Variants in TNF observed in about 807,000 individuals in gnomAD.
TNF encodes APC1 protein.
In TNF, 7 loss-of-function variants were observed where a neutral mutation model predicts 21.8. The observed-to-expected ratio is 0.32, with a 90% CI of 0.18 to 0.60. TNF has a LOEUF of 0.60. Ranked by LOEUF, TNF falls within the 20% of genes least tolerant of loss-of-function variation. The pLI, the probability that TNF is intolerant of heterozygous loss-of-function variation, is 0.84. For synonymous variants in TNF, 123 were observed against 130.2 expected (o/e 0.94, Z 0.38); for missense variants, 216 against 296.6 (o/e 0.73, Z 2.00).
In TNF at chr6:31,575,704, A is replaced by T; in HGVS notation, c.-38A>T. 6.6e-7 allele frequency: 1 copy of T among 1,506,896 alleles called. No individual in the cohort carries two copies. The highest frequency in any genetic ancestry group is 8.9e-7 in the Non-Finnish European group (1 of 1,127,796). The allele number at this position is 1,506,896 out of a possible 1,614,324, so 93.3% of individuals were successfully genotyped here. A position where few individuals can be genotyped will look rare whatever the true frequency, so the allele number is the denominator to read the frequency against. ...CAGGTTCTCTTCCTCTCACATACTG[A>T]CCCACGGCTCCACCCTCTCTCCCCT... On this transcript the variant is annotated 5_prime_UTR_variant, in exon 1 of 4. Coordinates refer to ENST00000449264, the MANE Select transcript of TNF (RefSeq NM_000594.4). The surrounding 1 kb of genome is among the most constrained non-coding windows in gnomAD (Gnocchi z 6.2).
At position 31,576,808 on chromosome 6, in the gene TNF, G is replaced by A. The variant is rs1250554906; in HGVS notation, c.274G>A (p.Val92Ile). The change falls in exon 3 of 4, where the codon GTT (valine) becomes ATT (isoleucine). Residue 92 changes from valine (V) to isoleucine (I), a missense_variant. Val to Ile is a conservative substitution (Grantham distance 29). This residue lies in a region of TNF where 118 missense variants were observed against 127.1 expected (regional missense o/e 0.93). Transcript: ENST00000449264. ...CCCGAGTGACAAGCCTGTAGCCCAT[G>A]TTGTAGGTAAGAGCTCTGAGGATGT... is the stretch of plus-strand genomic sequence containing the variant. ...RTPSDKPVAH[V>I]VANPQAEGQL... The A allele has an allele frequency of 1.9e-6, 3 of 1,612,930 alleles. No homozygotes were observed. The highest frequency in any genetic ancestry group is 2.7e-5 in the African/African-American group (2 of 74,906).
At position 31,577,683 on chromosome 6, in the gene TNF, A is replaced by G. The variant is rs751562173; in HGVS notation, c.*146A>G. On this transcript the variant is annotated 3_prime_UTR_variant, in exon 4 of 4. Transcript: ENST00000449264. The surrounding 1 kb of genome is among the most constrained non-coding windows in gnomAD (Gnocchi z 7.7). ...ACCCAAGCTTAGAACTTTAAGCAACAAGACCACCACTTCGAAACCTGGGAT... is the reference window on the plus strand; with the variant it reads ...ACCCAAGCTTAGAACTTTAAGCAACGAGACCACCACTTCGAAACCTGGGAT... The G allele has an allele frequency of 2.0e-6, 2 of 993,694 alleles. No individual in the cohort carries two copies. Among genetic ancestry groups the G allele is most frequent in the South Asian group, 2.7e-5 (2 of 72,920 alleles). The allele number at this position is 993,694 out of a possible 1,614,324, so 61.6% of individuals were successfully genotyped here.
intron 1 of TNF, 107 bp from the exon 2 acceptor site, chr6:31,576,427 G>C: frequency 9.0e-7 from 1 of 1,114,916 alleles, no homozygotes; most frequent in South Asian, 1.4e-5. Context: ...AATGGAGAGA[G>C]AAAACCAGAC....
chr6:31,576,605 A>G (rs373391738), intron 2 of TNF, 26 bp downstream of exon 2: 6 of 1,608,618 alleles, frequency 3.7e-6, no homozygotes, highest in African/African-American at 1.4e-5. Context: ...CCTCTTTCCT[A>G]ATTCTGGGTT....
In TNF at chr6:31,576,908, A is replaced by AGAAGGACTC. The variant is rs990535649; in HGVS notation, c.280+96_280+104dup. On this transcript the variant is annotated intron_variant, in intron 3 of 3. Coordinates refer to ENST00000449264, the MANE Select transcript of TNF (RefSeq NM_000594.4). ...GTAGGCAGAACTTGGAGACAATGTGAGAAGGACTCGCTGAGCTCAAGGGAA... is the reference window on the plus strand; with the variant it reads ...GTAGGCAGAACTTGGAGACAATGTGAGAAGGACTCGAAGGACTCGCTGAGCTCAAGGGAA... The AGAAGGACTC allele has an allele frequency of 2.0e-6, 3 of 1,502,790 alleles. No homozygotes were observed. In the African/African-American group the frequency reaches 4.1e-5, roughly 21 times the overall value. 93.1% of individuals were successfully genotyped at this position (1,502,790 alleles called of 1,614,324 possible). A position where few individuals can be genotyped will look rare whatever the true frequency, so the allele number is the denominator to read the frequency against.
In TNF at chr6:31,575,720, T is replaced by C; in HGVS notation, c.-22T>C. The C allele has an allele frequency of 6.5e-7, 1 of 1,537,364 alleles. No homozygotes were observed. The highest frequency in any genetic ancestry group is 8.8e-7 in the Non-Finnish European group (1 of 1,142,388). On this transcript the variant is annotated 5_prime_UTR_variant, in exon 1 of 4. Coordinates refer to ENST00000449264, the MANE Select transcript of TNF (RefSeq NM_000594.4). This position sits in a 1 kb window ranked among gnomAD's most constrained non-coding sequence, Gnocchi z 6.2. ...CACATACTGACCCACGGCTCCACCC[T>C]CTCTCCCCTGGAAAGGACACCATGA...
chr6:31,576,831 T>C lies in TNF; in HGVS notation c.280+17T>C, dbSNP rs1252399944. 1 of 1,612,972 alleles carries C rather than the reference T, an allele frequency of 6.2e-7. No individual in the cohort carries two copies. The highest frequency in any genetic ancestry group is 8.5e-7 in the Non-Finnish European group (1 of 1,179,930). ...ATGTTGTAGGTAAGAGCTCTGAGGA[T>C]GTGTCTTGGAACTTGGAGGGCTAGG... On this transcript the variant is annotated intron_variant, in intron 3 of 3. Transcript: ENST00000449264.
chr6:31,575,932 G>C lies in TNF; in HGVS notation c.186+5G>C. On this transcript the variant is annotated splice_donor_5th_base_variant and intron_variant, in intron 1 of 3. Transcript: ENST00000449264. This position sits in a 1 kb window ranked among gnomAD's most constrained non-coding sequence, Gnocchi z 6.2. ...ATCGGCCCCCAGAGGGAAGAGGTGA[G>C]TGCCTGGCCAGCCTTCATCCACTCT... 1 of 1,523,758 alleles carries C rather than the reference G, an allele frequency of 6.6e-7. No individual in the cohort carries two copies. Among genetic ancestry groups the C allele is most frequent in the Non-Finnish European group, 8.8e-7 (1 of 1,133,194 alleles). The allele number at this position is 1,523,758 out of a possible 1,614,324, so 94.4% of individuals were successfully genotyped here. A position where few individuals can be genotyped will look rare whatever the true frequency, so the allele number is the denominator to read the frequency against.
In TNF at chr6:31,577,297, C is replaced by T. The variant is rs1044688350; in HGVS notation, c.462C>T (p.His154=). ...CCTCCACCCATGTGCTCCTCACCCA[C>T]ACCATCAGCCGCATCGCCGTCTCCT... The part of the protein sequence containing the change: ...GCPSTHVLLT[H]TISRIAVSYQ... Residue 154 remains histidine, a synonymous_variant, in exon 4 of 4, where the codon CAC becomes CAT. Transcript: ENST00000449264. This position sits in a 1 kb window ranked among gnomAD's most constrained non-coding sequence, Gnocchi z 7.7. 4 of 1,613,116 alleles carry T rather than the reference C, an allele frequency of 2.5e-6. No individual in the cohort carries two copies. The African/African-American group carries it at 4.0e-5, about 16-fold the overall frequency.
In TNF at chr6:31,577,554, AC is replaced by A; in HGVS notation, c.*19del. ...GCCCTGTGAGGAGGACGAACATCCA[AC>A]CTTCCCAAACGCCTCCCCTGCCCCA... On this transcript the variant is annotated 3_prime_UTR_variant, in exon 4 of 4. Transcript: ENST00000449264. The surrounding 1 kb of genome is among the most constrained non-coding windows in gnomAD (Gnocchi z 7.7). 1 of 1,612,772 alleles carries A rather than the reference AC, an allele frequency of 6.2e-7. No homozygotes were observed. Among genetic ancestry groups the A allele is most frequent in the South Asian group, 1.1e-5 (1 of 91,070 alleles).
At chr6:31,576,626 G>T (rs1771193810) in intron 2 of TNF, 47 bp downstream of exon 2, 1 of 1,608,890 alleles carries the variant, frequency 6.2e-7, no homozygotes, top group African/African-American at 1.3e-5. Context: ...TGGGTTTGGG[G>T]GTAGGGTTAG....
In TNF at chr6:31,577,701, C is replaced by G. The variant is rs1244668872; in HGVS notation, c.*164C>G. The G allele has an allele frequency of 1.2e-6, 1 of 869,344 alleles. No individual in the cohort carries two copies. The highest frequency in any genetic ancestry group is 1.9e-6 in the Non-Finnish European group (1 of 540,068). The allele number at this position is 869,344 out of a possible 1,614,324, so 53.9% of individuals were successfully genotyped here. On this transcript the variant is annotated 3_prime_UTR_variant, in exon 4 of 4. Coordinates refer to ENST00000449264, the MANE Select transcript of TNF (RefSeq NM_000594.4). This position sits in a 1 kb window ranked among gnomAD's most constrained non-coding sequence, Gnocchi z 7.7. ...AAGCAACAAGACCACCACTTCGAAA[C>G]CTGGGATTCAGGAATGTGTGGCCTG...
rs3093666 is a variant in TNF at position 31,577,956 on chromosome 6, C to T, written c.*419C>T. On this transcript the variant is annotated 3_prime_UTR_variant, in exon 4 of 4. Coordinates refer to ENST00000449264, the MANE Select transcript of TNF (RefSeq NM_000594.4). This position sits in a 1 kb window ranked among gnomAD's most constrained non-coding sequence, Gnocchi z 7.7. ...CTTCCTTGAGACACGGAGCCCAGCC[C>T]TCCCCATGGAGCCAGCTCCCTCTAT... 630 of 192,236 alleles carry T rather than the reference C, an allele frequency of 3.3e-3. 4 individuals carry two copies. The highest frequency in any genetic ancestry group is 0.013 in the African/African-American group (549 of 42,952). 11.9% of individuals were successfully genotyped at this position (192,236 alleles called of 1,614,324 possible).
In TNF at chr6:31,577,589, A is replaced by G. The variant is rs769422678; in HGVS notation, c.*52A>G. ...ACGCCTCCCCTGCCCCAATCCCTTT[A>G]TTACCCCCTCCTTCAGACACCCTCA... is the stretch of plus-strand genomic sequence containing the variant. On this transcript the variant is annotated 3_prime_UTR_variant, in exon 4 of 4. Transcript: ENST00000449264. This position sits in a 1 kb window ranked among gnomAD's most constrained non-coding sequence, Gnocchi z 7.7. 2.5e-6 allele frequency: 4 copies of G among 1,605,246 alleles called. No individual in the cohort carries two copies. Among genetic ancestry groups the G allele is most frequent in the African/African-American group, 2.7e-5 (2 of 74,860 alleles).
rs141667614 is a variant in TNF at position 31,575,861 on chromosome 6, C to T, written c.120C>T (p.Ile40=). ...CLFLSLFSFL[I]VAGATTLFCL... is the part of the protein sequence containing the mutation. Reference sequence around the variant, plus strand: ...TCCTCAGCCTCTTCTCCTTCCTGATCGTGGCAGGCGCCACCACGCTCTTCT... The same window carrying T: ...TCCTCAGCCTCTTCTCCTTCCTGATTGTGGCAGGCGCCACCACGCTCTTCT... Residue 40 remains isoleucine, a synonymous_variant, in exon 1 of 4, where the codon ATC becomes ATT. Coordinates refer to ENST00000449264, the MANE Select transcript of TNF (RefSeq NM_000594.4). This position sits in a 1 kb window ranked among gnomAD's most constrained non-coding sequence, Gnocchi z 6.2. 1.3e-5 allele frequency: 21 copies of T among 1,610,956 alleles called. No individual in the cohort carries two copies. In the African/African-American group the frequency reaches 1.6e-4, roughly 12 times the overall value.
In TNF at chr6:31,575,667, C is replaced by G; in HGVS notation, c.-75C>G. The G allele has an allele frequency of 7.2e-7, 1 of 1,394,708 alleles. No homozygotes were observed. The highest frequency in any genetic ancestry group is 9.6e-7 in the Non-Finnish European group (1 of 1,046,908). The allele number at this position is 1,394,708 out of a possible 1,614,324, so 86.4% of individuals were successfully genotyped here. On this transcript the variant is annotated 5_prime_UTR_variant, in exon 1 of 4. Coordinates refer to ENST00000449264, the MANE Select transcript of TNF (RefSeq NM_000594.4). This position sits in a 1 kb window ranked among gnomAD's most constrained non-coding sequence, Gnocchi z 6.2. ...AACCCTCAGACGCCACATCCCCTGA[C>G]AAGCTGCCAGGCAGGTTCTCTTCCT...
Position 31,576,575 on chromosome 6 carries a change from A to G in TNF, c.228A>G (p.Ala76=). The change falls in exon 2 of 4, where the codon GCA becomes GCG. Residue 76 remains alanine, a synonymous_variant. Coordinates refer to ENST00000449264, the MANE Select transcript of TNF (RefSeq NM_000594.4). ...DLSLISPLAQ[A]VRSSSRTPSD... ...CTCTAATCAGCCCTCTGGCCCAGGC[A>G]GTCAGTAAGTGTCTCCAAACCTCTT... 1 of 1,613,660 alleles carries G rather than the reference A, an allele frequency of 6.2e-7. No homozygotes were observed. The highest frequency in any genetic ancestry group is 8.5e-7 in the Non-Finnish European group (1 of 1,179,946).
In TNF at chr6:31,577,476, G is replaced by A. The variant is rs770509340; in HGVS notation, c.641G>A (p.Arg214Gln). ...GACCGACTCAGCGCTGAGATCAATC[G>A]GCCCGACTATCTCGACTTTGCCGAG... ...KGDRLSAEIN[R>Q]PDYLDFAESG... Residue 214 changes from arginine (R) to glutamine (Q), a missense_variant, in exon 4 of 4, where the codon CGG becomes CAG. By Grantham distance (43) the Arg-to-Gln change is conservative. Coordinates refer to ENST00000449264, the MANE Select transcript of TNF (RefSeq NM_000594.4). The surrounding 1 kb of genome is among the most constrained non-coding windows in gnomAD (Gnocchi z 7.7). 12 of 1,612,962 alleles carry A rather than the reference G, an allele frequency of 7.4e-6. No individual in the cohort carries two copies. Among genetic ancestry groups the A allele is most frequent in the African/African-American group, 2.7e-5 (2 of 74,910 alleles).
chr6:31,576,447 C>A, intron 1 of TNF, 87 bp from the exon 2 acceptor site: 1 of 1,363,560 alleles, frequency 7.3e-7, no homozygotes, highest in South Asian at 1.2e-5. Flanking sequence ...CACCTCAGGG[C>A]TAAGAGCGCA....
Sources: allele counts gnomAD v4.1 joint callset, GRCh38; gene constraint gnomAD v4.1.1; regional missense constraint gnomAD v4.1.1; non-coding constraint Gnocchi (gnomAD v3.1); transcripts MANE v1.5; gene names NCBI Gene and HGNC (gene_info 2026-07-23, HGNC 2026-07-21).